Variants in PRKAG2 observed in about 807,000 individuals in gnomAD.
PRKAG2 encodes protein kinase AMP-activated non-catalytic subunit gamma 2.
PRKAG2 carries 26 observed loss-of-function variants against 69.6 expected under a neutral mutation model. The ratio of observed to expected loss-of-function variants is 0.37; its 90% CI spans 0.27 to 0.52. The LOEUF (loss-of-function observed/expected upper bound fraction) is 0.52. Ranked by LOEUF, PRKAG2 falls within the 20% of genes least tolerant of loss-of-function variation. The pLI is 0.90. For missense variants in PRKAG2, 557 were observed against 740.0 expected, an observed-to-expected ratio of 0.75 and a Z score of 2.87; for synonymous variants, 293 against 285.0, an observed-to-expected ratio of 1.03 and a Z score of -0.28.
At chr7:151,576,544 A>C in intron 6 of PRKAG2, 92 bp from the exon 7 acceptor site, 2 of 1,151,232 alleles carry the variant, frequency 1.7e-6, no homozygotes. Context: ...TCTGTTGCCC[A>C]GGCTGGAGTG....
chr7:151,702,674 T>G (rs544082034), intron 3 of PRKAG2, among the ~76,000 whole-genome samples: 1 of 152,316 alleles, frequency 6.6e-6, no homozygotes, highest in East Asian at 1.9e-4. Flanking sequence ...AATCCCAAGT[T>G]AAAATACTCT....
chr7:151,557,186 C>T lies in PRKAG2; in HGVS notation c.*15G>A. 6.2e-7 allele frequency: 1 copy of T among 1,614,180 alleles called. No homozygotes were observed. The highest frequency in any genetic ancestry group is 8.5e-7 in the Non-Finnish European group (1 of 1,180,034). ...TGTTCAAGTTCTCCTCCTAGGGCGTCTACATTCACGGCGGTCACTCCGTTT... is the reference window on the plus strand; with the variant it reads ...TGTTCAAGTTCTCCTCCTAGGGCGTTTACATTCACGGCGGTCACTCCGTTT... On this transcript the variant is annotated 3_prime_UTR_variant, in exon 16 of 16. Transcript: ENST00000287878.
chr7:151,597,344 T>C (rs1486968407), intron 5 of PRKAG2, among the ~76,000 whole-genome samples: 1 of 152,144 alleles, frequency 6.6e-6, no homozygotes, highest in Non-Finnish European at 1.5e-5. Flanking sequence ...ATAGGGGAAA[T>C]GCTTCATGAC....
At chr7:151,648,400 TCCTC>T (rs1827912033) in intron 4 of PRKAG2, among the ~76,000 whole-genome samples, 1 of 152,166 alleles carries the variant, frequency 6.6e-6, no homozygotes, top group Non-Finnish European at 1.5e-5. Context: ...CCCACCGTGG[TCCTC>T]ATGCCCCCTG....
At chr7:151,763,516 G>A (rs1420736379) in intron 3 of PRKAG2, among the ~76,000 whole-genome samples, 1 of 152,230 alleles carries the variant, frequency 6.6e-6, no homozygotes, top group Non-Finnish European at 1.5e-5. Flanking sequence ...TCTGACCCCA[G>A]GGCCTTGAAG....
At chr7:151,727,717 AGGAG>A (rs1338523232) in intron 3 of PRKAG2, among the ~76,000 whole-genome samples, 1 of 140,420 alleles carries the variant, frequency 7.1e-6, no homozygotes, top group Non-Finnish European at 1.6e-5. Flanking sequence ...AGGAGCGAGA[AGGAG>A]GGAGGGAGGG....
chr7:151,876,820 C>CTT lies in PRKAG2; in HGVS notation c.-202_-201dup, dbSNP rs1331411184. The CTT allele has an allele frequency of 1.6e-6, 1 of 637,868 alleles. No homozygotes were observed. Among genetic ancestry groups the CTT allele is most frequent in the East Asian group, 2.8e-5 (1 of 36,164 alleles). The allele number at this position is 637,868 out of a possible 1,614,324, so 39.5% of individuals were successfully genotyped here. On this transcript the variant is annotated 5_prime_UTR_variant, in exon 1 of 16. Coordinates refer to ENST00000287878, the MANE Select transcript of PRKAG2 (RefSeq NM_016203.4). The stretch of plus-strand genomic sequence containing the variant: ...CGCCGAAGCGCCGAATTCAAGCGTC[C>CTT]TTTCCTACGGAACCCTCGTAGGCAA...
At chr7:151,637,330 A>C (rs1825905546) in intron 4 of PRKAG2, among the ~76,000 whole-genome samples, 1 of 152,192 alleles carries the variant, frequency 6.6e-6, no homozygotes, top group African/African-American at 2.4e-5. Context: ...ATAATTTAAA[A>C]AAATTCTTAC....
chr7:151,860,219 C>T (rs889706247), intron 1 of PRKAG2, among the ~76,000 whole-genome samples: 3 of 152,222 alleles, frequency 2.0e-5, no homozygotes, highest in Non-Finnish European at 4.4e-5. Flanking sequence ...TGGAGCCCCT[C>T]CTGCTGGAGG....
intron 4 of PRKAG2, among the ~76,000 whole-genome samples, chr7:151,671,893 G>GT (rs1179485115): frequency 6.6e-6 from 1 of 152,216 alleles, no homozygotes; most frequent in Non-Finnish European, 1.5e-5. Context: ...CTTTCAAAAT[G>GT]TAAGTGGGGA....
In PRKAG2 at chr7:151,630,093, G is replaced by T. The variant is rs539631625; in HGVS notation, c.754+1976C>A. Among the ~76,000 whole-genome samples, 19 of 152,232 alleles carry T rather than the reference G, an allele frequency of 1.2e-4. 1 individual carries two copies. In the East Asian group the frequency reaches 2.7e-3, roughly 22 times the overall value. ...TAAGAATCTAGAAAAGTTTGACAGGGTTATTCGTGGGATTCGGTGTGCTTT... is the reference window on the plus strand; with the variant it reads ...TAAGAATCTAGAAAAGTTTGACAGGTTTATTCGTGGGATTCGGTGTGCTTT... On this transcript the variant is annotated intron_variant, in intron 5 of 15. Transcript: ENST00000287878.
intron 3 of PRKAG2, among the ~76,000 whole-genome samples, chr7:151,773,103 G>A (rs2076157832): frequency 8.5e-6 from 1 of 117,276 alleles, no homozygotes; most frequent in African/African-American, 3.3e-5. Flanking sequence ...GGGAAGGGAA[G>A]GGAAGGGAAG....
intron 1 of PRKAG2, among the ~76,000 whole-genome samples, chr7:151,830,120 T>TG (rs1456918861): frequency 3.6e-5 from 3 of 82,950 alleles, no homozygotes; most frequent in Non-Finnish European, 5.9e-5. Flanking sequence ...TCCACCTGGT[T>TG]TTTTTTTTTT....
intron 1 of PRKAG2, among the ~76,000 whole-genome samples, chr7:151,827,772 A>AAAAAAAAAAAAC (rs1182409684): frequency 1.3e-5 from 2 of 150,084 alleles, no homozygotes; most frequent in African/African-American, 4.9e-5. Context: ...AAAAAAAAAA[A>AAAAAAAAAAAAC]AACTGCCTTG....
intron 5 of PRKAG2, among the ~76,000 whole-genome samples, chr7:151,606,827 TAAATA>T (rs1359678937): frequency 2.0e-5 from 3 of 151,994 alleles, no homozygotes; most frequent in African/African-American, 4.8e-5. Flanking sequence ...CTCAAAAAAA[TAAATA>T]AAATAAAATA....
At chr7:151,725,504 C>T (rs1417991438) in intron 3 of PRKAG2, among the ~76,000 whole-genome samples, 2 of 150,474 alleles carry the variant, frequency 1.3e-5, no homozygotes, top group Non-Finnish European at 2.9e-5. Flanking sequence ...CTGAGCTGTA[C>T]ACCTAAAGAT....
intron 6 of PRKAG2, among the ~76,000 whole-genome samples, chr7:151,585,581 ATCTCT>A (rs1193698969): frequency 6.6e-6 from 1 of 152,124 alleles, no homozygotes; most frequent in East Asian, 1.9e-4. Flanking sequence ...ACATGCTCTC[ATCTCT>A]TCTGTCCTTG....
At chr7:151,705,055 A>G (rs1202683755) in intron 3 of PRKAG2, among the ~76,000 whole-genome samples, 2 of 152,270 alleles carry the variant, frequency 1.3e-5, no homozygotes, top group African/African-American at 4.8e-5. Flanking sequence ...TGAAATTACC[A>G]GCCAAATGCT....
chr7:151,769,297 T>C (rs1691473482), intron 3 of PRKAG2, among the ~76,000 whole-genome samples: 1 of 152,234 alleles, frequency 6.6e-6, no homozygotes, highest in South Asian at 2.1e-4. Flanking sequence ...CTAATTCATT[T>C]CCTTTCCAGA....
Sources: allele counts gnomAD v4.1 joint callset (sites outside exome capture counted in the v4.1 genomes callset), GRCh38; gene constraint gnomAD v4.1.1; transcripts MANE v1.5; gene names NCBI Gene and HGNC (gene_info 2026-07-23, HGNC 2026-07-21).